ABCB1: variants seen among roughly 807,000 people sequenced by gnomAD.
The protein encoded by ABCB1 is ATP-dependent translocase ABCB1.
ABCB1 carries 69 observed loss-of-function variants against 142.0 expected under a neutral mutation model. That is an observed-to-expected ratio of 0.49 (90% CI 0.40 to 0.59). ABCB1 has a LOEUF of 0.59. Ranked by LOEUF, ABCB1 falls within the 20% of genes least tolerant of loss-of-function variation. ABCB1 has a pLI of 0.00. For missense variants in ABCB1, 1,326 were observed against 1,554.7 expected (o/e 0.85, Z 2.47); for synonymous variants, 532 against 539.2 (o/e 0.99, Z 0.18).
At chr7:87,694,367 T>C (rs1401956594) in intron 1 of ABCB1, among the ~76,000 whole-genome samples, 1 of 152,176 alleles carries the variant, frequency 6.6e-6, no homozygotes, top group Non-Finnish European at 1.5e-5. Context: ...CCAGGTAGAA[T>C]GCATGCCTTT....
rs773925485 is a variant in ABCB1, at chr7:87,549,495, C to G, written c.1578G>C (p.Glu526Asp). The G allele has an allele frequency of 1.9e-6, 3 of 1,614,096 alleles. No individual in the cohort carries two copies. Among genetic ancestry groups the G allele is most frequent in the Admixed American group, 3.3e-5 (2 of 60,004 alleles). Residue 526 changes from glutamate (E) to aspartate (D), a missense_variant, in exon 14 of 28, where the codon GAG becomes GAC. Glu to Asp is a conservative substitution (Grantham distance 45). Transcript: ENST00000622132. ...GCCCACCACTCAACTGGGCCCCTCT[C>G]TCTCCAACCAGGGTGTCAAATTTCT... Reference protein sequence around the residue: ...LPHKFDTLVGERGAQLSGGQK... With the variant: ...LPHKFDTLVGDRGAQLSGGQK...
chr7:87,671,378 G>A (rs985294093), intron 1 of ABCB1, among the ~76,000 whole-genome samples: 3 of 152,128 alleles, frequency 2.0e-5, no homozygotes, highest in Non-Finnish European at 2.9e-5. Flanking sequence ...CTACTTGCTC[G>A]GTAGCTCTGG....
rs200120627 is a variant in ABCB1, at chr7:87,544,816, T to A, written c.2064+7A>T. ...GATTAAAACAAACTCCGCATCTCCC[T>A]TCATACCAGAGCCTCTTTGGTACTA... On this transcript the variant is annotated splice_region_variant and intron_variant, in intron 16 of 27. Transcript: ENST00000622132. 3.1e-6 allele frequency: 5 copies of A among 1,613,950 alleles called. No homozygotes were observed. The East Asian group carries it at 1.1e-4, about 36-fold the overall frequency.
chr7:87,652,305 C>T (rs538362349), intron 1 of ABCB1, among the ~76,000 whole-genome samples: 2 of 152,120 alleles, frequency 1.3e-5, no homozygotes, highest in East Asian at 3.9e-4. Context: ...TGTTGAGACT[C>T]CCATGCCAAG....
intron 1 of ABCB1, among the ~76,000 whole-genome samples, chr7:87,706,711 AT>A (rs1829624216): frequency 6.6e-6 from 1 of 152,050 alleles, no homozygotes; most frequent in Admixed American, 6.6e-5. Context: ...GGAGGTGGAG[AT>A]TTTTATTTCC....
At chr7:87,522,837 C>G (rs899132825) in intron 21 of ABCB1, among the ~76,000 whole-genome samples, 1 of 151,550 alleles carries the variant, frequency 6.6e-6, no homozygotes, top group Non-Finnish European at 1.5e-5. Context: ...TGGAATGAAA[C>G]TCTATATTTA....
intron 23 of ABCB1, among the ~76,000 whole-genome samples, chr7:87,517,292 G>A (rs1482859765): frequency 6.6e-6 from 1 of 152,036 alleles, no homozygotes; most frequent in Admixed American, 6.6e-5. Flanking sequence ...AATCACTTTT[G>A]CCAGTTCCAA....
intron 1 of ABCB1, among the ~76,000 whole-genome samples, chr7:87,678,978 A>T (rs192349625): frequency 7.0e-4 from 106 of 152,276 alleles, no homozygotes; most frequent in Non-Finnish European, 7.4e-5. Context: ...TATACTTAGC[A>T]ATGTCAACAC....
At chr7:87,612,560 C>A (rs1340849304) in intron 1 of ABCB1, among the ~76,000 whole-genome samples, 1 of 152,080 alleles carries the variant, frequency 6.6e-6, no homozygotes, top group Admixed American at 6.6e-5. Context: ...TGTCAAAGAT[C>A]AGTTGGCTGT....
At chr7:87,666,613 TAG>T (rs1825278067) in intron 1 of ABCB1, among the ~76,000 whole-genome samples, 1 of 152,080 alleles carries the variant, frequency 6.6e-6, no homozygotes, top group African/African-American at 2.4e-5. Context: ...ATGGCTTTAA[TAG>T]TTTGAGGTTT....
At chr7:87,627,515 C>G (rs1350708848) in intron 1 of ABCB1, 1 of 152,238 alleles carries the variant, frequency 6.6e-6, no homozygotes, top group Non-Finnish European at 1.5e-5. Context: ...GGATTGCACT[C>G]TAAAATCTGG....
Position 87,519,357 on chromosome 7 carries a change from G to T in ABCB1, c.2896C>A (p.His966Asn), listed in dbSNP as rs202110704. ...CFRFGAYLVA[H>N]KLMSFEDVLL... ...ACATCCTCAAAGCTCATGAGTTTAT[G>T]TGCCACCAAGTAGGCTCCAAACCGG... Residue 966 changes from histidine to asparagine, a missense_variant, in exon 23 of 28, where the codon CAT becomes AAT. His to Asn is a moderately conservative substitution (Grantham distance 68, BLOSUM62 1). Coordinates refer to ENST00000622132, the MANE Select transcript of ABCB1 (RefSeq NM_001348946.2). 5.0e-6 allele frequency: 8 copies of T among 1,614,092 alleles called. No individual in the cohort carries two copies. The highest frequency in any genetic ancestry group is 6.8e-6 in the Non-Finnish European group (8 of 1,179,956).
In ABCB1 at chr7:87,561,385, T is replaced by C; in HGVS notation, c.705A>G (p.Ile235Met). Residue 235 changes from isoleucine (I) to methionine (M), a missense_variant and splice_region_variant, in exon 8 of 28, where the codon ATA becomes ATG. Transcript: ENST00000622132. ...LGLSAAVWAK[I>M]LSSFTDKELL... ...GTTCTTTATCAGTAAATGAAGATAG[T>C]ATCTGTTTAAAAATACAATTTTGGA... is the stretch of plus-strand genomic sequence containing the variant. The C allele has an allele frequency of 6.2e-7, 1 of 1,611,612 alleles. No individual in the cohort carries two copies. The highest frequency in any genetic ancestry group is 2.2e-5 in the East Asian group (1 of 44,828).
At chr7:87,629,372 G>C (rs1433915725) in intron 1 of ABCB1, 2 of 157,792 alleles carry the variant, frequency 1.3e-5, no homozygotes, top group East Asian at 3.7e-4. Context: ...GTTTTGGCTT[G>C]TTTACATTAT....
chr7:87,623,083 A>G (rs565779040), intron 1 of ABCB1, among the ~76,000 whole-genome samples: 1 of 152,278 alleles, frequency 6.6e-6, no homozygotes, highest in African/African-American at 2.4e-5. Flanking sequence ...TTTCTAGCTA[A>G]TGATTTAGAT....
At chr7:87,530,922 AAAGAAAAG>A (rs1816027516) in intron 21 of ABCB1, among the ~76,000 whole-genome samples, 1 of 151,788 alleles carries the variant, frequency 6.6e-6, no homozygotes, top group African/African-American at 2.4e-5. Context: ...GGAAAAAAGG[AAAGAAAAG>A]AAGGAAAGAA....
At chr7:87,663,836 C>T (rs1824955221) in intron 1 of ABCB1, among the ~76,000 whole-genome samples, 1 of 152,094 alleles carries the variant, frequency 6.6e-6, no homozygotes, top group Non-Finnish European at 1.5e-5. Context: ...CTCCTTCTGG[C>T]TTGTAGGTGG....
chr7:87,585,405 G>A lies in ABCB1; in HGVS notation c.286+107C>T, dbSNP rs1584902204. 1.8e-6 allele frequency: 2 copies of A among 1,111,478 alleles called. No homozygotes were observed. The highest frequency in any genetic ancestry group is 5.0e-5 in the East Asian group (2 of 40,280). 68.9% of individuals were successfully genotyped at this position (1,111,478 alleles called of 1,614,324 possible). A position where few individuals can be genotyped will look rare whatever the true frequency, so the allele number is the denominator to read the frequency against. ...TAACTCAGACTGTCTGCCTCCTACA[G>A]GACTAAACACACTAATGTGTATTTA... On this transcript the variant is annotated intron_variant, in intron 4 of 27. Coordinates refer to ENST00000622132, the MANE Select transcript of ABCB1 (RefSeq NM_001348946.2).
upstream of ABCB1, among the ~76,000 whole-genome samples, chr7:87,605,592 A>G (rs1277379062): frequency 6.6e-6 from 1 of 152,246 alleles, no homozygotes; most frequent in Non-Finnish European, 1.5e-5. Flanking sequence ...AGTAAGATAA[A>G]GGGAAAGAAG....
Sources: allele counts gnomAD v4.1 joint callset (sites outside exome capture counted in the v4.1 genomes callset), GRCh38; gene constraint gnomAD v4.1.1; transcripts MANE v1.5; gene names NCBI Gene and HGNC (gene_info 2026-07-23, HGNC 2026-07-21).